PPP4R1: variants seen among roughly 807,000 people sequenced by gnomAD.
PPP4R1 encodes serine/threonine-protein phosphatase 4 regulatory subunit 1.
A neutral mutation model predicts 111.2 loss-of-function variants in PPP4R1; 42 were observed. The observed-to-expected ratio is 0.38, with a 90% CI of 0.29 to 0.49. The LOEUF is 0.49. PPP4R1 is among the 20% of genes least tolerant of loss of function. PPP4R1 has a pLI of 0.97. For missense variants in PPP4R1, 1,012 were observed against 1,161.6 expected (o/e 0.87, Z 1.87); for synonymous variants, 409 against 405.5 (o/e 1.01, Z -0.10).
Position 9,547,729 on chromosome 18 carries a change from C to A in PPP4R1, c.*60G>T. ...AAGCTATCCCAGGTCACATGCGTGG[C>A]GAATGCCCACTGAACCTCGGCTCTC... On this transcript the variant is annotated 3_prime_UTR_variant, in exon 20 of 20. Coordinates refer to ENST00000400556, the MANE Select transcript of PPP4R1 (RefSeq NM_001042388.3). 1.3e-6 allele frequency: 2 copies of A among 1,585,722 alleles called. No homozygotes were observed. The highest frequency in any genetic ancestry group is 1.1e-5 in the South Asian group (1 of 89,868).
chr18:9,592,369 T>C (rs769878410), intron 4 of PPP4R1, among the ~76,000 whole-genome samples: 3 of 152,192 alleles, frequency 2.0e-5, no homozygotes, highest in Non-Finnish European at 4.4e-5. Context: ...CTCCTGGGTA[T>C]GCCCTTTTCC....
intron 11 of PPP4R1, among the ~76,000 whole-genome samples, chr18:9,569,438 A>T (rs2066824415): frequency 6.6e-6 from 1 of 152,160 alleles, no homozygotes; most frequent in South Asian, 2.1e-4. Flanking sequence ...TAGTCTTTCC[A>T]TAAAAGAATG....
At chr18:9,573,388 A>G (rs914181529) in intron 10 of PPP4R1, among the ~76,000 whole-genome samples, 1 of 152,252 alleles carries the variant, frequency 6.6e-6, no homozygotes, top group Non-Finnish European at 1.5e-5. Context: ...GAAAAAAAGA[A>G]TAAAGCAAAT....
intron 2 of PPP4R1, among the ~76,000 whole-genome samples, chr18:9,599,448 C>T (rs1269487089): frequency 6.6e-6 from 1 of 152,034 alleles, no homozygotes; most frequent in Non-Finnish European, 1.5e-5. Flanking sequence ...AGAGATGGGA[C>T]AACAAATGAG....
At chr18:9,609,595 TACTCAATAAC>T (rs1187657166) in intron 2 of PPP4R1, among the ~76,000 whole-genome samples, 2 of 152,206 alleles carry the variant, frequency 1.3e-5, no homozygotes, top group African/African-American at 4.8e-5. Context: ...TTGTATGGCA[TACTCAATAAC>T]ATAGCTTCAA....
chr18:9,608,611 A>T (rs576363124), intron 2 of PPP4R1, among the ~76,000 whole-genome samples: 2 of 152,312 alleles, frequency 1.3e-5, no homozygotes, highest in Admixed American at 6.5e-5. Context: ...AATTAGAGGG[A>T]ATACCTCCTC....
Position 9,594,935 on chromosome 18 carries a change from AAAGTGGATACTT to A in PPP4R1, c.188+71_188+82del, listed in dbSNP as rs1158596783. 6.0e-6 allele frequency: 9 copies of A among 1,498,426 alleles called. No homozygotes were observed. In the East Asian group the frequency reaches 9.1e-5, roughly 15 times the overall value. 92.8% of individuals were successfully genotyped at this position (1,498,426 alleles called of 1,614,324 possible). ...TGTGCCTGTTAATAATACCTCCTTT[AAAGTGGATACTT>A]TCATTTTCCCTACTGAAGTTAATAA... On this transcript the variant is annotated intron_variant, in intron 3 of 19. Transcript: ENST00000400556.
intron 11 of PPP4R1, among the ~76,000 whole-genome samples, chr18:9,569,527 T>C (rs967615341): frequency 1.3e-5 from 2 of 152,186 alleles, no homozygotes; most frequent in Admixed American, 6.5e-5. Context: ...ACTTTAAAAC[T>C]GTAAAGCACT....
At chr18:9,576,684 T>C (rs921008048) in intron 10 of PPP4R1, among the ~76,000 whole-genome samples, 1 of 152,122 alleles carries the variant, frequency 6.6e-6, no homozygotes. Context: ...AAAACAAATT[T>C]AAAAAAACCC....
chr18:9,603,614 G>A (rs1470238691), intron 2 of PPP4R1, among the ~76,000 whole-genome samples: 2 of 151,994 alleles, frequency 1.3e-5, no homozygotes, highest in Non-Finnish European at 2.9e-5. Context: ...CTCCCTAGTT[G>A]GGACTACAAG....
chr18:9,607,552 A>T (rs1179932928), intron 2 of PPP4R1, among the ~76,000 whole-genome samples: 1 of 152,258 alleles, frequency 6.6e-6, no homozygotes, highest in Non-Finnish European at 1.5e-5. Flanking sequence ...ACCAAAGGAG[A>T]TAAGTTAGAT....
chr18:9,579,727 T>A (rs554202565), intron 9 of PPP4R1, among the ~76,000 whole-genome samples: 2 of 152,268 alleles, frequency 1.3e-5, no homozygotes, highest in South Asian at 4.1e-4. Context: ...CCCTAAATAA[T>A]AGAGTAACAA....
intron 14 of PPP4R1, 47 bp downstream of exon 14, chr18:9,559,372 T>C: frequency 6.6e-7 from 1 of 1,518,472 alleles, no homozygotes; most frequent in Non-Finnish European, 8.9e-7. Flanking sequence ...CAAAGCACTG[T>C]GCCTTCCACA....
Position 9,547,658 on chromosome 18 carries a change from C to T in PPP4R1, c.*131G>A, listed in dbSNP as rs940597894. 9.2e-5 allele frequency: 102 copies of T among 1,108,520 alleles called. No homozygotes were observed. Among genetic ancestry groups the T allele is most frequent in the African/African-American group, 9.4e-5 (6 of 64,146 alleles). The allele number at this position is 1,108,520 out of a possible 1,614,324, so 68.7% of individuals were successfully genotyped here. A position where few individuals can be genotyped will look rare whatever the true frequency, so the allele number is the denominator to read the frequency against. On this transcript the variant is annotated 3_prime_UTR_variant, in exon 20 of 20. Coordinates refer to ENST00000400556, the MANE Select transcript of PPP4R1 (RefSeq NM_001042388.3). ...CCTGGTATTGGGTGTAGGCAACTTG[C>T]ACCTGCAATGAAGTCCGCAGGAGAG...
At chr18:9,549,918 C>G (rs1007153894) in intron 18 of PPP4R1, 134 bp downstream of exon 18, 3 of 1,334,338 alleles carry the variant, frequency 2.2e-6, no homozygotes, top group Non-Finnish European at 3.0e-6. Context: ...GCAGATGATC[C>G]TATAAACAGC....
At chr18:9,599,484 C>T (rs970478292) in intron 2 of PPP4R1, 2 of 152,158 alleles carry the variant, frequency 1.3e-5, no homozygotes, top group Non-Finnish European at 2.9e-5. Flanking sequence ...GAGATTTAAA[C>T]ACAACCATAT....
chr18:9,557,107 T>C (rs1262245804), intron 15 of PPP4R1, 114 bp downstream of exon 15: 1 of 1,012,710 alleles, frequency 9.9e-7, no homozygotes, highest in Non-Finnish European at 1.4e-6. Context: ...AACTTATGGC[T>C]GTGTTTTCTT....
At chr18:9,565,872 C>T (rs1444628264) in intron 11 of PPP4R1, among the ~76,000 whole-genome samples, 1 of 152,094 alleles carries the variant, frequency 6.6e-6, no homozygotes, top group Admixed American at 6.5e-5. Flanking sequence ...GAAGATCTAG[C>T]TAAGATTACT....
At chr18:9,574,171 T>G (rs1424494369) in intron 10 of PPP4R1, among the ~76,000 whole-genome samples, 1 of 152,194 alleles carries the variant, frequency 6.6e-6, no homozygotes, top group African/African-American at 2.4e-5. Context: ...GGAATTATCC[T>G]GTCTCCTAAG....
Sources: gnomAD v4.1 joint callset for allele counts (sites outside exome capture counted in the v4.1 genomes callset) on GRCh38, gnomAD v4.1.1 for gene constraint, MANE v1.5 for transcripts, NCBI Gene and HGNC (gene_info 2026-07-23, HGNC 2026-07-21) for gene names.